The following RP1L1 variants were observed in gnomAD, a reference collection of about 807,000 sequenced individuals.
The protein encoded by RP1L1 is retinitis pigmentosa 1-like 1 protein.
In RP1L1, 27 loss-of-function variants were observed where a neutral mutation model predicts 15.7. That is an observed-to-expected ratio of 1.72 (90% CI 1.27 to 2.38). The LOEUF is 2.38. RP1L1 is among the 30% of genes most tolerant of loss of function. The pLI, the probability that RP1L1 is intolerant of heterozygous loss-of-function variation, is 0.00. For synonymous variants in RP1L1, 1,813 were observed against 1,276.7 expected (o/e 1.42, Z -8.96); for missense variants, 4,798 against 3,075.9 (o/e 1.56, Z -13.24).
At chr8:10,613,407 C>T (rs1226158823) in intron 3 of RP1L1, 61 bp from the exon 4 acceptor site, 17 of 1,592,752 alleles carry the variant, frequency 1.1e-5, no homozygotes, top group Non-Finnish European at 1.4e-5. Flanking sequence ...GGGGCAGCAT[C>T]AGGATAAAGG....
rs1797786046 is a variant in RP1L1 at position 10,609,502 on chromosome 8, G to T, written c.4596C>A (p.Ala1532=). ...LLKKTEKAFL[A]HLASAVAELR... ...GCTCAGCCACCGCACTGGCAAGGTG[G>T]GCCAGGAAGGCCTTCTCCGTCTTCT... is the stretch of plus-strand genomic sequence containing the variant. The change falls in exon 4 of 4, where the codon GCC becomes GCA. Residue 1532 remains alanine, a synonymous_variant. Transcript: ENST00000382483. 4 of 1,609,986 alleles carry T rather than the reference G, an allele frequency of 2.5e-6. No homozygotes were observed. Among genetic ancestry groups the T allele is most frequent in the Non-Finnish European group, 2.5e-6 (3 of 1,178,916 alleles).
chr8:10,618,834 T>C (rs1296794184), intron 2 of RP1L1, among the ~76,000 whole-genome samples: 1 of 152,040 alleles, frequency 6.6e-6, no homozygotes, highest in African/African-American at 2.4e-5. Context: ...AGAGGTTTCT[T>C]TGTTTGTTTT....
At chr8:10,645,234 G>T (rs968423535) in intron 1 of RP1L1, among the ~76,000 whole-genome samples, 4 of 152,160 alleles carry the variant, frequency 2.6e-5, no homozygotes, top group Non-Finnish European at 5.9e-5. Context: ...GGCTGAGGCA[G>T]GAGGATCGCC....
chr8:10,606,414 CAG>C lies in RP1L1; in HGVS notation c.*479_*480del, dbSNP rs1797702879. On this transcript the variant is annotated 3_prime_UTR_variant, in exon 4 of 4. Transcript: ENST00000382483. The stretch of plus-strand genomic sequence containing the variant: ...TACCTGCTTTGCCCAAGTATTTCTG[CAG>C]AGTCATCAAATATATTCAAGACTAG... 2 of 158,382 alleles carry C rather than the reference CAG, an allele frequency of 1.3e-5. No individual in the cohort carries two copies. The highest frequency in any genetic ancestry group is 4.8e-5 in the African/African-American group (2 of 41,460). The allele number at this position is 158,382 out of a possible 1,614,324, so 9.8% of individuals were successfully genotyped here. A position where few individuals can be genotyped will look rare whatever the true frequency, so the allele number is the denominator to read the frequency against.
chr8:10,622,611 G>T lies in RP1L1; in HGVS notation c.591C>A (p.Tyr197Ter). 6.2e-7 allele frequency: 1 copy of T among 1,614,180 alleles called. No homozygotes were observed. The highest frequency in any genetic ancestry group is 8.5e-7 in the Non-Finnish European group (1 of 1,180,044). ...DLLRFPVKQL[Y>*]TTSGKKVDSL... The stretch of plus-strand genomic sequence containing the variant: ...AGCCTACCTTTTTCCCGCTGGTCGT[G>T]TACAACTGCTTCACAGGAAAGCGCA... Residue 197 changes from tyrosine (Y) to a stop codon, truncating the protein, a stop_gained, in exon 2 of 4, where the codon TAC becomes TAA. Coordinates refer to ENST00000382483, the MANE Select transcript of RP1L1 (RefSeq NM_178857.6). LOFTEE classifies it high-confidence loss of function.
At position 10,612,671 on chromosome 8, in the gene RP1L1, G is replaced by A. The variant is rs764837007; in HGVS notation, c.1427C>T (p.Pro476Leu). 1.2e-5 allele frequency: 20 copies of A among 1,601,422 alleles called. No individual in the cohort carries two copies. Among genetic ancestry groups the A allele is most frequent in the Middle Eastern group, 1.6e-4 (1 of 6,072 alleles). Residue 476 changes from proline (P) to leucine (L), a missense_variant, in exon 4 of 4, where the codon CCG (proline) becomes CTG (leucine). Pro to Leu is a moderately conservative substitution (Grantham distance 98, BLOSUM62 -3). Transcript: ENST00000382483. ...GCTGGCACTGTCCACCCCGTCCTCC[G>A]GGGTCCTGGGGCAGCAGGAGGACTC... is the stretch of plus-strand genomic sequence containing the variant. ...EPESSCCPRTPEDGVDSASPS... is the reference protein window; with the variant it reads ...EPESSCCPRTLEDGVDSASPS...
In RP1L1 at chr8:10,611,299, G is replaced by A. The variant is rs1224098251; in HGVS notation, c.2799C>T (p.Gly933=). 8 of 1,612,866 alleles carry A rather than the reference G, an allele frequency of 5.0e-6. No individual in the cohort carries two copies. Among genetic ancestry groups the A allele is most frequent in the Admixed American group, 1.7e-5 (1 of 60,012 alleles). The change falls in exon 4 of 4, where the codon GGC becomes GGT. Residue 933 remains glycine (G), a synonymous_variant. Coordinates refer to ENST00000382483, the MANE Select transcript of RP1L1 (RefSeq NM_178857.6). The part of the protein sequence containing the change: ...SEEKTLRSGG[G]PQGQEEASGV... ...CACTGGCCTCCTCCTGCCCCTGGGGGCCTCCCCCACTCCTCAAGGTCTTCT... is the reference window on the plus strand; with the variant it reads ...CACTGGCCTCCTCCTGCCCCTGGGGACCTCCCCCACTCCTCAAGGTCTTCT...
At position 10,613,222 on chromosome 8, in the gene RP1L1, G is replaced by A. The variant is rs1304316389; in HGVS notation, c.876C>T (p.His292=). The change falls in exon 4 of 4, where the codon CAC becomes CAT. Residue 292 remains histidine (H), a synonymous_variant. Coordinates refer to ENST00000382483, the MANE Select transcript of RP1L1 (RefSeq NM_178857.6). ...NPPVGPAPGR[H]PQDTPAQSGP... ...CCGACTGAGCTGGCGTGTCCTGAGG[G>A]TGCCTGCCAGGAGCAGGGCCCACCG... The A allele has an allele frequency of 6.2e-7, 1 of 1,613,210 alleles. No homozygotes were observed. Among genetic ancestry groups the A allele is most frequent in the Admixed American group, 1.7e-5 (1 of 60,014 alleles).
chr8:10,630,885 T>C (rs933145141), intron 1 of RP1L1, among the ~76,000 whole-genome samples: 8 of 152,200 alleles, frequency 5.3e-5, no homozygotes, highest in African/African-American at 1.9e-4. Context: ...AGACTGGTCA[T>C]CGCAGCGGGA....
intron 3 of RP1L1, 95 bp from the exon 4 acceptor site, chr8:10,613,441 A>C: frequency 1.3e-6 from 2 of 1,523,516 alleles, no homozygotes; most frequent in South Asian, 1.2e-5. Flanking sequence ...CGAGCCTCCC[A>C]CGACCTCAGC....
rs1464655210 is a variant in RP1L1 at position 10,611,087 on chromosome 8, C to T, written c.3011G>A (p.Gly1004Glu). The T allele has an allele frequency of 6.2e-7, 1 of 1,612,762 alleles. No individual in the cohort carries two copies. Among genetic ancestry groups the T allele is most frequent in the African/African-American group, 1.3e-5 (1 of 74,930 alleles). ...PGDDHSLEGL[G>E]EPAQAGQQSL... ...CTGCTGTCCCGCCTGAGCTGGCTCC[C>T]CCAGGCCTTCCAGAGAATGGTCATC... Residue 1004 changes from glycine to glutamate, a missense_variant, in exon 4 of 4, where the codon GGG becomes GAG. Coordinates refer to ENST00000382483, the MANE Select transcript of RP1L1 (RefSeq NM_178857.6).
At chr8:10,644,958 T>C (rs1327103282) in intron 1 of RP1L1, among the ~76,000 whole-genome samples, 2 of 152,184 alleles carry the variant, frequency 1.3e-5, no homozygotes, top group African/African-American at 2.4e-5. Flanking sequence ...TTGACTGATT[T>C]TTAGCACTAA....
chr8:10,630,828 A>G (rs751782309), intron 1 of RP1L1, among the ~76,000 whole-genome samples: 15 of 152,370 alleles, frequency 9.8e-5, no homozygotes, highest in Non-Finnish European at 1.9e-4. Flanking sequence ...TGGAATGACA[A>G]CTGCTTGCCA....
At chr8:10,627,903 G>A (rs953681513) in intron 1 of RP1L1, among the ~76,000 whole-genome samples, 8 of 152,178 alleles carry the variant, frequency 5.3e-5, no homozygotes, top group African/African-American at 1.9e-4. Flanking sequence ...TGATGAACAG[G>A]CACAAAGCAA....
At chr8:10,648,803 C>G (rs924645044) in intron 1 of RP1L1, among the ~76,000 whole-genome samples, 2 of 152,238 alleles carry the variant, frequency 1.3e-5, no homozygotes, top group South Asian at 4.1e-4. Context: ...ACACCACACA[C>G]CCAGGGGAAT....
At chr8:10,613,450 G>T in intron 3 of RP1L1, 104 bp from the exon 4 acceptor site, 1 of 1,480,342 alleles carries the variant, frequency 6.8e-7, no homozygotes, top group Non-Finnish European at 9.2e-7. Context: ...CACGACCTCA[G>T]CATCACCACT....
chr8:10,640,307 T>C (rs754328753), intron 1 of RP1L1, among the ~76,000 whole-genome samples: 2 of 152,218 alleles, frequency 1.3e-5, no homozygotes, highest in Non-Finnish European at 2.9e-5. Context: ...GGTAACAGAA[T>C]TTTTCAAAGA....
In RP1L1 at chr8:10,612,112, TCTCGGGGCCA is replaced by T. The variant is rs749166421; in HGVS notation, c.1976_1985del (p.Val659GlufsTer21). ...GGTAGTGAGAATGCCTGGGATGGCC[TCTCGGGGCCA>T]CTCGGCCAAGGCCAGGGCTGCTGGG... On this transcript the variant is annotated frameshift_variant, in exon 4 of 4. Coordinates refer to ENST00000382483, the MANE Select transcript of RP1L1 (RefSeq NM_178857.6). LOFTEE classifies it low-confidence loss of function (END_TRUNC). The T allele has an allele frequency of 1.2e-6, 2 of 1,613,748 alleles. No homozygotes were observed. Among genetic ancestry groups the T allele is most frequent in the Admixed American group, 3.3e-5 (2 of 60,030 alleles).
chr8:10,618,458 G>T (rs1798006698), intron 2 of RP1L1, among the ~76,000 whole-genome samples: 1 of 152,194 alleles, frequency 6.6e-6, no homozygotes, highest in South Asian at 2.1e-4. Flanking sequence ...AGTGAGCTAA[G>T]ATCGTGCCAC....
Sources: gnomAD v4.1 joint callset for allele counts (sites outside exome capture counted in the v4.1 genomes callset) on GRCh38, gnomAD v4.1.1 for gene constraint, MANE v1.5 for transcripts, NCBI Gene and HGNC (gene_info 2026-07-23, HGNC 2026-07-21) for gene names.